CLVS1: variants seen among roughly 807,000 people sequenced by gnomAD.
The protein encoded by CLVS1 is clavesin 1.
CLVS1 carries 10 observed loss-of-function variants against 33.1 expected under a neutral mutation model. The ratio of observed to expected loss-of-function variants is 0.30; its 90% CI spans 0.19 to 0.51. The LOEUF is 0.51. Ranked by LOEUF, CLVS1 falls within the 20% of genes least tolerant of loss-of-function variation. The pLI is 0.97. For missense variants in CLVS1, 343 were observed against 433.4 expected (o/e 0.79, Z 1.85); for synonymous variants, 163 against 166.1 (o/e 0.98, Z 0.14).
Position 61,499,465 on chromosome 8 carries a change from G to C in CLVS1, c.988G>C (p.Val330Leu), listed in dbSNP as rs1329543222. 2 of 1,612,412 alleles carry C rather than the reference G, an allele frequency of 1.2e-6. No homozygotes were observed. Among genetic ancestry groups the C allele is most frequent in the Non-Finnish European group, 1.7e-6 (2 of 1,178,624 alleles). ...SPKLMKRSQS[V>L]VEAGTLKHEE... The stretch of plus-strand genomic sequence containing the variant: ...CTCCCCTCTTGTTAGATCTCAGTCT[G>C]TGGTAGAAGCTGGGACCCTGAAACA... Residue 330 changes from valine (V) to leucine (L), a missense_variant, in exon 6 of 6, where the codon GTG becomes CTG. Around this residue, in one of 4 missense-constraint regions of CLVS1, gnomAD observed 86 missense variants for 95.0 expected, o/e 0.91. Transcript: ENST00000325897.
At chr8:61,065,088 A>G (rs1804651065) in intron 1 of CLVS1, among the ~76,000 whole-genome samples, 1 of 152,218 alleles carries the variant, frequency 6.6e-6, no homozygotes, top group Non-Finnish European at 1.5e-5. Context: ...GTCCCTCAGT[A>G]TCTGTGGGCA....
chr8:61,365,925 G>A (rs1308068513), intron 2 of CLVS1, among the ~76,000 whole-genome samples: 1 of 152,032 alleles, frequency 6.6e-6, no homozygotes, highest in Admixed American at 6.6e-5. Flanking sequence ...AAAATAGAAT[G>A]GCCAAAACGG....
intron 5 of CLVS1, among the ~76,000 whole-genome samples, chr8:61,470,547 T>TG: frequency 6.6e-6 from 1 of 152,240 alleles, no homozygotes; most frequent in Non-Finnish European, 1.5e-5. Flanking sequence ...TAGGCAAGAA[T>TG]GACAAGGAAT....
chr8:61,464,316 G>T (rs1442256479), intron 5 of CLVS1, among the ~76,000 whole-genome samples: 1 of 152,152 alleles, frequency 6.6e-6, no homozygotes, highest in Admixed American at 6.5e-5. Context: ...AATGTTGAAT[G>T]AATATTATTA....
At position 61,400,201 on chromosome 8, in the gene CLVS1, A is replaced by T. The variant is rs541320011; in HGVS notation, c.630+23422A>T. Among the ~76,000 whole-genome samples, 16 of 152,268 alleles carry T rather than the reference A, an allele frequency of 1.1e-4. No individual in the cohort carries two copies. In the South Asian group the frequency reaches 3.1e-3, roughly 30 times the overall value. On this transcript the variant is annotated intron_variant, in intron 3 of 5. Transcript: ENST00000325897. ...TTTTTCCATCTGTTTGAGTAAACTC[A>T]GATTTCTTTGAGCAGTGATTTGTAC...
chr8:61,257,707 C>A (rs1037414372), intron 2 of CLVS1, among the ~76,000 whole-genome samples: 1 of 152,032 alleles, frequency 6.6e-6, no homozygotes, highest in Non-Finnish European at 1.5e-5. Flanking sequence ...GCAAAAGGAA[C>A]CCAGGACCTA....
intron 2 of CLVS1, among the ~76,000 whole-genome samples, chr8:61,206,034 G>C (rs1384841061): frequency 1.3e-5 from 2 of 152,160 alleles, no homozygotes; most frequent in East Asian, 3.8e-4. Flanking sequence ...GCTCAATAAA[G>C]TAAGTATCTG....
At chr8:61,169,202 C>T (rs1585659143) in intron 2 of CLVS1, among the ~76,000 whole-genome samples, 1 of 152,126 alleles carries the variant, frequency 6.6e-6, no homozygotes, top group Non-Finnish European at 1.5e-5. Flanking sequence ...TATGGCAGGG[C>T]ACAGAGACTG....
Position 61,288,158 on chromosome 8 carries a change from T to TC in CLVS1, c.-152+24dup. The TC allele has an allele frequency of 4.4e-6, 2 of 456,268 alleles. 1 individual carries two copies. The highest frequency in any genetic ancestry group is 8.8e-6 in the Non-Finnish European group (2 of 226,974). 28.3% of individuals were successfully genotyped at this position (456,268 alleles called of 1,614,324 possible). A position where few individuals can be genotyped will look rare whatever the true frequency, so the allele number is the denominator to read the frequency against. On this transcript the variant is annotated intron_variant, in intron 1 of 5. Transcript: ENST00000325897. ...GTGAAGGTATTTGTTACCTTTTTTC[T>TC]CCCCTCTGTATTTGCCGAGCCTCCC... is the stretch of plus-strand genomic sequence containing the variant.
chr8:61,147,192 C>T (rs12546218), intron 2 of CLVS1, among the ~76,000 whole-genome samples: 10,020 of 152,230 alleles, frequency 0.066, 568 homozygotes, highest in East Asian at 0.24. Context: ...AAGGGAATCA[C>T]GTGTTTCCAG....
At chr8:61,419,569 C>T (rs1815576918) in intron 3 of CLVS1, among the ~76,000 whole-genome samples, 1 of 152,142 alleles carries the variant, frequency 6.6e-6, no homozygotes, top group Non-Finnish European at 1.5e-5. Context: ...ACTTGTTTCA[C>T]CAGCCAAGGG....
intron 3 of CLVS1, among the ~76,000 whole-genome samples, chr8:61,385,883 A>C (rs927294220): frequency 1.3e-5 from 2 of 152,168 alleles, no homozygotes; most frequent in African/African-American, 4.8e-5. Context: ...ATAGAGACTA[A>C]AATGTTGGGG....
At chr8:61,131,229 CT>C (rs777886141) in intron 1 of CLVS1, among the ~76,000 whole-genome samples, 9 of 152,190 alleles carry the variant, frequency 5.9e-5, no homozygotes, top group Admixed American at 5.2e-4. Flanking sequence ...CAAAAGATGT[CT>C]GCCCTGAGCA....
rs777247479 is a variant in CLVS1, at chr8:61,499,903, T to G, written c.*361T>G. On this transcript the variant is annotated 3_prime_UTR_variant, in exon 6 of 6. Coordinates refer to ENST00000325897, the MANE Select transcript of CLVS1 (RefSeq NM_173519.3). ...TTTCTGAGGTATCACACAGGGACCC[T>G]CTCCAGTTTTTGAAAATTAAGTGCA... 1.1e-4 allele frequency: 20 copies of G among 174,834 alleles called. No homozygotes were observed. The highest frequency in any genetic ancestry group is 1.7e-4 in the Non-Finnish European group (14 of 80,550). The allele number at this position is 174,834 out of a possible 1,614,324, so 10.8% of individuals were successfully genotyped here.
chr8:61,260,515 C>T (rs1669357115), intron 2 of CLVS1, among the ~76,000 whole-genome samples: 1 of 152,206 alleles, frequency 6.6e-6, no homozygotes, highest in Non-Finnish European at 1.5e-5. Flanking sequence ...CCCCTCTCTC[C>T]ATCTCCTCTC....
chr8:61,423,539 C>T (rs1051648325), intron 3 of CLVS1, among the ~76,000 whole-genome samples: 8 of 152,148 alleles, frequency 5.3e-5, no homozygotes, highest in Non-Finnish European at 8.8e-5. Flanking sequence ...GAAACCTTGT[C>T]AGTGTTGCAT....
chr8:61,416,436 G>A (rs1815441957), intron 3 of CLVS1, among the ~76,000 whole-genome samples: 1 of 152,176 alleles, frequency 6.6e-6, no homozygotes, highest in Non-Finnish European at 1.5e-5. Flanking sequence ...AAGAGGATCT[G>A]TCACTATGTT....
At chr8:61,053,688 G>A (rs1488496123), upstream of CLVS1, among the ~76,000 whole-genome samples, 1 of 152,122 alleles carries the variant, frequency 6.6e-6, no homozygotes, top group African/African-American at 2.4e-5. Context: ...GGGCCAATTA[G>A]AATTCTCTCT....
chr8:60,987,785 G>A, the CLVS1 span, among the ~76,000 whole-genome samples: 1 of 152,096 alleles, frequency 6.6e-6, no homozygotes, highest in Non-Finnish European at 1.5e-5. Flanking sequence ...GTGCCAATGA[G>A]AGCCAGTGTG....
Sources: allele counts gnomAD v4.1 joint callset (sites outside exome capture counted in the v4.1 genomes callset), GRCh38; gene constraint gnomAD v4.1.1; regional missense constraint gnomAD v4.1.1; transcripts MANE v1.5; gene names NCBI Gene and HGNC (gene_info 2026-07-23, HGNC 2026-07-21).